Variants in MYH6 observed in about 807,000 individuals in gnomAD.
MYH6 encodes the protein myosin-6.
MYH6 carries 126 observed loss-of-function variants against 223.2 expected under a neutral mutation model. The observed-to-expected ratio is 0.56, with a 90% CI of 0.49 to 0.65. MYH6 has a LOEUF of 0.65. Ranked by LOEUF, MYH6 falls within the 30% of genes least tolerant of loss-of-function variation. MYH6 has a pLI of 0.00. For synonymous variants in MYH6, 978 were observed against 1,010.2 expected (o/e 0.97, Z 0.61); for missense variants, 2,040 against 2,536.4 (o/e 0.80, Z 4.20).
rs767409017 is a variant in MYH6, at chr14:23,389,703, A to T, written c.3749T>A (p.Val1250Glu). Reference protein sequence around the residue: ...IIKAKANLEKVSRTLEDQANE... With the variant: ...IIKAKANLEKESRTLEDQANE... ...GGCCTGGTCCTCCAGCGTCCGAGAC[A>T]CTTTCTCCAGGTTTGCCTTCAGGAA... Residue 1250 changes from valine to glutamate, a missense_variant, in exon 27 of 39, where the codon GTG becomes GAG. By Grantham distance (121) the Val-to-Glu change is moderately radical. This residue lies in a region of MYH6 where 1,203 missense variants were observed against 1,400.2 expected (regional missense o/e 0.86). Coordinates refer to ENST00000405093, the MANE Select transcript of MYH6 (RefSeq NM_002471.4). 3 of 1,614,008 alleles carry T rather than the reference A, an allele frequency of 1.9e-6. No homozygotes were observed. In the African/African-American group the frequency reaches 4.0e-5, roughly 22 times the overall value.
intron 18 of MYH6, 58 bp downstream of exon 18, chr14:23,396,905 C>G: frequency 6.2e-7 from 1 of 1,612,508 alleles, no homozygotes; most frequent in Non-Finnish European, 8.5e-7. Context: ...GATCCCATTC[C>G]CATCAGGGCA....
chr14:23,397,955 C>CTTCTTCTTCTTCTTCTTT (rs1891466710), intron 15 of MYH6, among the ~76,000 whole-genome samples: 1 of 96,804 alleles, frequency 1.0e-5, no homozygotes, highest in Non-Finnish European at 2.1e-5. Context: ...TCTTCTTCTT[C>CTTCTTCTTCTTCTTCTTT]TTCTTCTTCT....
In MYH6 at chr14:23,392,379, G is replaced by A. The variant is rs79126402; in HGVS notation, c.3342+183C>T. The stretch of plus-strand genomic sequence containing the variant: ...CCCCTTCTCAAACAGTTTTGCTAAC[G>A]TAATGTATTCTTGCTCTATGGGGGA... On this transcript the variant is annotated intron_variant, in intron 25 of 38. Coordinates refer to ENST00000405093, the MANE Select transcript of MYH6 (RefSeq NM_002471.4). Among the ~76,000 whole-genome samples the A allele has an allele frequency of 8.6e-3, 1,308 of 152,236 alleles. 19 individuals are homozygous for A. The highest frequency in any genetic ancestry group is 0.03 in the African/African-American group (1,235 of 41,512).
intron 32 of MYH6, 69 bp from the exon 33 acceptor site, chr14:23,386,692 T>C (rs550155631): frequency 2.0e-6 from 3 of 1,524,712 alleles, no homozygotes; most frequent in South Asian, 2.5e-5. Flanking sequence ...GATGAGAAGA[T>C]ACACGGTGTC....
At chr14:23,408,157 C>A in intron 1 of MYH6, 96 bp downstream of exon 1, 1 of 881,682 alleles carries the variant, frequency 1.1e-6, no homozygotes, top group South Asian at 5.2e-5. Context: ...CTTAGGCCTC[C>A]AACTGACCTG....
In MYH6 at chr14:23,405,172, C is replaced by T. The variant is rs1229467395; in HGVS notation, c.503-45G>A. 6.2e-7 allele frequency: 1 copy of T among 1,614,020 alleles called. No individual in the cohort carries two copies. On this transcript the variant is annotated intron_variant, in intron 5 of 38. Coordinates refer to ENST00000405093, the MANE Select transcript of MYH6 (RefSeq NM_002471.4). The surrounding 1 kb of genome is among the most constrained non-coding windows in gnomAD (Gnocchi z 4.7). ...AAGCAATGGGGTCAGGGCTGAGGAT[C>T]TGGGTGGGTGTCTGGGAGGAGGAGC...
chr14:23,382,668 T>C, intron 37 of MYH6, 106 bp from the exon 38 acceptor site: 1 of 1,515,938 alleles, frequency 6.6e-7, no homozygotes, highest in Non-Finnish European at 9.2e-7. Context: ...CACCCATACC[T>C]CATGCATATT....
At position 23,402,549 on chromosome 14, in the gene MYH6, C is replaced by G. The variant is rs1410301153; in HGVS notation, c.1056G>C (p.Lys352Asn). Residue 352 changes from lysine (K) to asparagine (N), a missense_variant, in exon 12 of 39, where the codon AAG becomes AAC. Physicochemically the swap from Lys to Asn is moderately conservative, Grantham distance 94. Around this residue, in one of 4 missense-constraint regions of MYH6, gnomAD observed 649 missense variants for 877.3 expected, o/e 0.74. Transcript: ENST00000405093. Reference protein sequence around the residue: ...FTSEEKAGVYKLTGAIMHYGN... With the variant: ...FTSEEKAGVYNLTGAIMHYGN... ...CGTAGTGCATGATGGCTCCCGTCAG[C>G]TTGTAGACGCCAGCTTTCTCCTCTG... 8 of 1,613,816 alleles carry G rather than the reference C, an allele frequency of 5.0e-6. No individual in the cohort carries two copies. The highest frequency in any genetic ancestry group is 6.8e-6 in the Non-Finnish European group (8 of 1,179,986).
chr14:23,398,146 T>C (rs1229795966), intron 15 of MYH6, among the ~76,000 whole-genome samples: 2 of 151,978 alleles, frequency 1.3e-5, no homozygotes, highest in African/African-American at 4.8e-5. Context: ...GCCTCCCAAG[T>C]GGCTGGGACT....
In MYH6 at chr14:23,396,592, T is replaced by G. The variant is rs951669203; in HGVS notation, c.2292+102A>C. 3.7e-6 allele frequency: 6 copies of G among 1,604,010 alleles called. No homozygotes were observed. In the East Asian group the frequency reaches 8.9e-5, roughly 24 times the overall value. On this transcript the variant is annotated intron_variant, in intron 19 of 38. Coordinates refer to ENST00000405093, the MANE Select transcript of MYH6 (RefSeq NM_002471.4). ...CCTGGGTTTCAGCCCTTGATAAGGT[T>G]GATAAGGAAGCCAGAATTAGGCTTC...
Position 23,407,365 on chromosome 14 carries a change from G to T in MYH6, c.-13-129C>A, listed in dbSNP as rs1891823613. ...CACCCTGGGAGAGGCACCTGCTGTT[G>T]CACCCTCCCCTACTCAGGGCTCTGC... On this transcript the variant is annotated intron_variant, in intron 2 of 38. Coordinates refer to ENST00000405093, the MANE Select transcript of MYH6 (RefSeq NM_002471.4). The surrounding 1 kb of genome is among the most constrained non-coding windows in gnomAD (Gnocchi z 5.6). 2.5e-6 allele frequency: 3 copies of T among 1,183,642 alleles called. No individual in the cohort carries two copies. The highest frequency in any genetic ancestry group is 2.4e-6 in the Non-Finnish European group (2 of 825,938). 73.3% of individuals were successfully genotyped at this position (1,183,642 alleles called of 1,614,324 possible). A position where few individuals can be genotyped will look rare whatever the true frequency, so the allele number is the denominator to read the frequency against.
In MYH6 at chr14:23,393,505, G is replaced by A. The variant is rs1209268771; in HGVS notation, c.2942C>T (p.Thr981Ile). The A allele has an allele frequency of 2.5e-6, 4 of 1,614,082 alleles. No homozygotes were observed. The highest frequency in any genetic ancestry group is 2.2e-5 in the South Asian group (2 of 91,076). The change falls in exon 23 of 39, where the codon ACA becomes ATA. Residue 981 changes from threonine to isoleucine, a missense_variant. Thr to Ile is a moderately conservative substitution (Grantham distance 89). Coordinates refer to ENST00000405093, the MANE Select transcript of MYH6 (RefSeq NM_002471.4). ...HATENKVKNL[T>I]EEMAGLDEII... ...TTCATCCAGCCCAGCCATCTCCTCT[G>A]TTAGGTTCTTCACCTGCCGACCAAA...
In MYH6 at chr14:23,394,157, C is replaced by G. The variant is rs1159890299; in HGVS notation, c.2596G>C (p.Glu866Gln). ...EEFGRIKETLEKSEARRKELE... is the reference protein window; with the variant it reads ...EEFGRIKETLQKSEARRKELE... The stretch of plus-strand genomic sequence containing the variant: ...TCCTTGCGGCGAGCCTCGGACTTCT[C>G]CAGCGTCTCTTTGATGCGCCCGAAC... The change falls in exon 21 of 39, where the codon GAG becomes CAG. Residue 866 changes from glutamate to glutamine, a missense_variant. Physicochemically the swap from Glu to Gln is conservative, Grantham distance 29 (BLOSUM62 2). This residue lies in a region of MYH6 where 1,203 missense variants were observed against 1,400.2 expected (regional missense o/e 0.86). Transcript: ENST00000405093. 1 of 1,614,236 alleles carries G rather than the reference C, an allele frequency of 6.2e-7. No individual in the cohort carries two copies. The highest frequency in any genetic ancestry group is 1.6e-4 in the Middle Eastern group (1 of 6,062).
At position 23,388,219 on chromosome 14, in the gene MYH6, A is replaced by T. The variant is rs772960346; in HGVS notation, c.4295T>A (p.Val1432Glu). The T allele has an allele frequency of 4.3e-6, 7 of 1,612,498 alleles. No individual in the cohort carries two copies. The highest frequency in any genetic ancestry group is 5.1e-6 in the Non-Finnish European group (6 of 1,180,028). Residue 1432 changes from valine to glutamate, a missense_variant, in exon 30 of 39, where the codon GTG (valine) becomes GAG (glutamate). By Grantham distance (121) the Val-to-Glu change is moderately radical (BLOSUM62 -2). Coordinates refer to ENST00000405093, the MANE Select transcript of MYH6 (RefSeq NM_002471.4). The stretch of plus-strand genomic sequence containing the variant: ...AGCAGCATTGGAGCGCTCTACGTCC[A>T]CCATCAAGTCCTCTATCTCATTCTG... ...RLQNEIEDLMVDVERSNAAAA... is the reference protein window; with the variant it reads ...RLQNEIEDLMEDVERSNAAAA...
intron 12 of MYH6, among the ~76,000 whole-genome samples, chr14:23,401,206 C>T (rs1284505644): frequency 6.6e-6 from 1 of 152,148 alleles, no homozygotes; most frequent in African/African-American, 2.4e-5. Context: ...AGGGTTTCAC[C>T]ATGTTGCCCA....
chr14:23,392,731 A>G, intron 24 of MYH6, 79 bp from the exon 25 acceptor site: 1 of 1,456,394 alleles, frequency 6.9e-7, no homozygotes, highest in Non-Finnish European at 9.6e-7. Flanking sequence ...TGGCCTTAGT[A>G]TGCCAGAATC....
At chr14:23,396,937 G>C (rs148225043) in intron 18 of MYH6, 26 bp downstream of exon 18, 24,150 of 1,612,436 alleles carry the variant, frequency 0.015, 477 homozygotes, top group East Asian at 0.085. Context: ...CCTGTTCTAT[G>C]AGCTCTGGGG....
intron 15 of MYH6, among the ~76,000 whole-genome samples, chr14:23,397,935 T>TCCTCCTCCTCC (rs1566512298): frequency 2.6e-4 from 15 of 57,808 alleles, no homozygotes; most frequent in African/African-American, 8.2e-4. Flanking sequence ...CCTCCTCCTC[T>TCCTCCTCCTCC]TCTTCTTCTT....
intron 24 of MYH6, 28 bp from the exon 25 acceptor site, chr14:23,392,680 G>T: frequency 7.1e-7 from 1 of 1,406,228 alleles, no homozygotes; most frequent in Non-Finnish European, 1.0e-6. Context: ...GGGTGGGGGA[G>T]TGACAGGTAG....
Sources: allele counts gnomAD v4.1 joint callset (sites outside exome capture counted in the v4.1 genomes callset), GRCh38; gene constraint gnomAD v4.1.1; regional missense constraint gnomAD v4.1.1; non-coding constraint Gnocchi (gnomAD v3.1); transcripts MANE v1.5; gene names NCBI Gene and HGNC (gene_info 2026-07-23, HGNC 2026-07-21).